APBA1: variants seen among roughly 807,000 people sequenced by gnomAD.
APBA1 encodes the protein amyloid-beta A4 precursor protein-binding family A member 1.
A neutral mutation model predicts 86.6 loss-of-function variants in APBA1; 55 were observed. The ratio of observed to expected loss-of-function variants is 0.64; its 90% confidence interval spans 0.51 to 0.80. The LOEUF (loss-of-function observed/expected upper bound fraction) is 0.80. Among genes scored for constraint, APBA1 ranks in the 30% least tolerant of loss-of-function variants. The pLI, the probability that APBA1 is intolerant of heterozygous loss-of-function variation, is 0.00. For missense variants in APBA1, 1,090 were observed against 1,183.0 expected (o/e 0.92, Z 1.15); for synonymous variants, 511 against 493.9 (o/e 1.03, Z -0.46).
At chr9:69,581,075 A>T (rs1278762274) in intron 1 of APBA1, among the ~76,000 whole-genome samples, 2 of 152,032 alleles carry the variant, frequency 1.3e-5, no homozygotes, top group African/African-American at 2.4e-5. Flanking sequence ...CCATGGATAC[A>T]CCCCACAAAC....
chr9:69,491,347 T>C (rs946610429), intron 2 of APBA1, among the ~76,000 whole-genome samples: 2 of 151,762 alleles, frequency 1.3e-5, no homozygotes, highest in Non-Finnish European at 2.9e-5. Flanking sequence ...CAGCAAACTA[T>C]GGCAAGGACA....
intron 1 of APBA1, among the ~76,000 whole-genome samples, chr9:69,581,325 A>C (rs150436890): frequency 1.3e-5 from 2 of 152,306 alleles, no homozygotes; most frequent in African/African-American, 4.8e-5. Flanking sequence ...TTCACTGATA[A>C]AACATCCTTG....
At chr9:69,577,200 T>G (rs1191087198) in intron 1 of APBA1, among the ~76,000 whole-genome samples, 1 of 152,216 alleles carries the variant, frequency 6.6e-6, no homozygotes, top group Non-Finnish European at 1.5e-5. Context: ...CCTACAATGG[T>G]ATAGAAGACT....
At chr9:69,582,508 C>T (rs1310676285) in intron 1 of APBA1, among the ~76,000 whole-genome samples, 1 of 152,146 alleles carries the variant, frequency 6.6e-6, no homozygotes, top group African/African-American at 2.4e-5. Flanking sequence ...CTACTCTTTC[C>T]TCTGGCTCAA....
chr9:69,597,000 C>CCTTGGTTAT (rs1822242194), intron 1 of APBA1, among the ~76,000 whole-genome samples: 1 of 152,160 alleles, frequency 6.6e-6, no homozygotes, highest in South Asian at 2.1e-4. Flanking sequence ...GCAACACTGA[C>CCTTGGTTAT]CTTGGTTATG....
chr9:69,654,052 C>T (rs970573672), intron 1 of APBA1, among the ~76,000 whole-genome samples: 5 of 138,964 alleles, frequency 3.6e-5, no homozygotes, highest in African/African-American at 8.2e-5. Context: ...GAGGCAGTTG[C>T]GGTGAGCCGA....
At chr9:69,435,105 C>T (rs551808082) in intron 11 of APBA1, among the ~76,000 whole-genome samples, 1 of 152,074 alleles carries the variant, frequency 6.6e-6, no homozygotes, top group African/African-American at 2.4e-5. Flanking sequence ...TCATCCATGT[C>T]CCTACAAAGG....
intron 1 of APBA1, among the ~76,000 whole-genome samples, chr9:69,658,466 G>A (rs570136582): frequency 1.3e-5 from 2 of 149,898 alleles, no homozygotes; most frequent in South Asian, 2.1e-4. Flanking sequence ...AGGCTGCCAC[G>A]ATCTTGGCTC....
chr9:69,593,836 C>T (rs2097551711), intron 1 of APBA1, among the ~76,000 whole-genome samples: 2 of 152,186 alleles, frequency 1.3e-5, no homozygotes, highest in South Asian at 4.1e-4. Context: ...TTTTTCATCC[C>T]TGAAAGATTT....
intron 1 of APBA1, among the ~76,000 whole-genome samples, chr9:69,570,822 C>T (rs1018253333): frequency 6.6e-6 from 1 of 152,152 alleles, no homozygotes; most frequent in Non-Finnish European, 1.5e-5. Context: ...ATTTCATCCC[C>T]ACGGCGATTG....
intron 2 of APBA1, 39 bp downstream of exon 2, chr9:69,515,972 C>T (rs1275418990): frequency 1.4e-6 from 2 of 1,472,084 alleles, no homozygotes; most frequent in African/African-American, 1.4e-5. Context: ...TCCCTCCCAC[C>T]GCGTGGGGCC....
chr9:69,639,609 T>C (rs906726510), intron 1 of APBA1, among the ~76,000 whole-genome samples: 4 of 152,202 alleles, frequency 2.6e-5, no homozygotes, highest in African/African-American at 9.7e-5. Context: ...AAATTCACAG[T>C]ACTAAAGTCA....
intron 10 of APBA1, among the ~76,000 whole-genome samples, chr9:69,447,336 T>C (rs918022154): frequency 6.6e-6 from 1 of 152,152 alleles, no homozygotes; most frequent in Admixed American, 6.5e-5. Flanking sequence ...AAACCATCCC[T>C]AACCAGCTTC....
intron 1 of APBA1, among the ~76,000 whole-genome samples, chr9:69,620,038 G>A (rs6559655): frequency 0.036 from 5,534 of 152,228 alleles, 340 homozygotes; most frequent in African/African-American, 0.13. Flanking sequence ...ATACTGAACT[G>A]AAAACAGTCT....
chr9:69,525,295 C>A (rs1339610611), intron 1 of APBA1, among the ~76,000 whole-genome samples: 1 of 152,052 alleles, frequency 6.6e-6, no homozygotes, highest in African/African-American at 2.4e-5. Flanking sequence ...AAAACTCTCT[C>A]TTTTCCCTGA....
intron 1 of APBA1, among the ~76,000 whole-genome samples, chr9:69,638,207 T>C (rs1314735334): frequency 2.0e-5 from 3 of 152,214 alleles, no homozygotes; most frequent in Non-Finnish European, 2.9e-5. Context: ...GCTTTATGAA[T>C]GAAATGCTCA....
At chr9:69,506,501 G>A (rs1256935246) in intron 2 of APBA1, among the ~76,000 whole-genome samples, 2 of 69,340 alleles carry the variant, frequency 2.9e-5, no homozygotes, top group African/African-American at 6.1e-5. Context: ...AGGGGCGCCC[G>A]CCATTGCCCG....
chr9:69,603,017 G>C (rs1822386514), intron 1 of APBA1, among the ~76,000 whole-genome samples: 3 of 152,130 alleles, frequency 2.0e-5, no homozygotes, highest in African/African-American at 7.2e-5. Flanking sequence ...TCCTTCTCCT[G>C]GTCCTCTGGG....
chr9:69,469,838 A>C (rs1726922381), intron 4 of APBA1, among the ~76,000 whole-genome samples: 1 of 152,218 alleles, frequency 6.6e-6, no homozygotes, highest in Non-Finnish European at 1.5e-5. Context: ...CATTATTGCC[A>C]ACCAGATATG....
Sources: gnomAD v4.1 joint callset for allele counts (sites outside exome capture counted in the v4.1 genomes callset) on GRCh38, gnomAD v4.1.1 for gene constraint, MANE v1.5 for transcripts, NCBI Gene and HGNC (gene_info 2026-07-23, HGNC 2026-07-21) for gene names.